Variants in HSPA12A observed in about 807,000 individuals in gnomAD.
HSPA12A encodes heat shock protein family A (Hsp70) member 12A, also known as heat shock 70 kDa protein 12A.
A neutral mutation model predicts 69.2 loss-of-function variants in HSPA12A; 28 were observed. The ratio of observed to expected loss-of-function variants is 0.40; its 90% CI spans 0.30 to 0.55. The LOEUF (loss-of-function observed/expected upper bound fraction) is 0.55, where lower values mean the gene tolerates loss of function less well. Among genes scored for constraint, HSPA12A ranks in the 20% least tolerant of loss-of-function variants. The probability of loss-of-function intolerance (pLI) is 0.38; values close to 1 mark genes in which losing one functional copy is unlikely to be tolerated. For synonymous variants in HSPA12A, 345 were observed against 370.5 expected (o/e 0.93, Z 0.79); for missense variants, 686 against 900.7 (o/e 0.76, Z 3.05).
intron 1 of HSPA12A, among the ~76,000 whole-genome samples, chr10:116,740,985 A>G (rs1342397430): frequency 1.3e-4 from 17 of 127,280 alleles, no homozygotes; most frequent in Non-Finnish European, 2.6e-4. Context: ...AAAAAAAAAA[A>G]AAGAGTCAAT....
chr10:116,843,657 TG>T (rs902463752), intron 1 of HSPA12A, among the ~76,000 whole-genome samples: 2 of 152,200 alleles, frequency 1.3e-5, no homozygotes, highest in African/African-American at 2.4e-5. Flanking sequence ...AAACCATTCC[TG>T]GGGGAAGGCT....
Position 116,732,350 on chromosome 10 carries a change from A to AAGAAAGAAAGAAAGAAAGAAAGAAAGAG in HSPA12A, c.40+10079_40+10080insCTCTTTCTTTCTTTCTTTCTTTCTTTCT, listed in dbSNP as rs1564800232. 3.5e-4 allele frequency among the ~76,000 whole-genome samples: 52 copies of AAGAAAGAAAGAAAGAAAGAAAGAAAGAG among 148,368 alleles called. 1 individual carries two copies. The highest frequency in any genetic ancestry group is 3.2e-4 in the Non-Finnish European group (21 of 66,024). Reference sequence around the variant, plus strand: ...AAACAAAGAAAGAAAGAAAGAAAGAAAGAGACAGAGGGAAAGAAAACTGCC... The same window carrying AAGAAAGAAAGAAAGAAAGAAAGAAAGAG: ...AAACAAAGAAAGAAAGAAAGAAAGAAAGAAAGAAAGAAAGAAAGAAAGAAAGAGAGAGACAGAGGGAAAGAAAACTGCC... On this transcript the variant is annotated intron_variant, in intron 1 of 11. Transcript: ENST00000369209.
chr10:116,681,080 T>A (rs1361494666), intron 9 of HSPA12A, 72 bp downstream of exon 9: 1 of 1,016,642 alleles, frequency 9.8e-7, no homozygotes, highest in Non-Finnish European at 1.6e-6. Flanking sequence ...CTGAGAGTTA[T>A]CTGAAACAAG....
chr10:116,805,943 C>T (rs1436149737), intron 2 of HSPA12A, among the ~76,000 whole-genome samples: 1 of 152,222 alleles, frequency 6.6e-6, no homozygotes, highest in Non-Finnish European at 1.5e-5. Flanking sequence ...GTAAATGCCA[C>T]CTCAGACCAC....
Position 116,674,738 on chromosome 10 carries a change from C to G in HSPA12A, c.*43G>C. 1 of 1,564,224 alleles carries G rather than the reference C, an allele frequency of 6.4e-7. No homozygotes were observed. Among genetic ancestry groups the G allele is most frequent in the Non-Finnish European group, 8.7e-7 (1 of 1,155,062 alleles). The stretch of plus-strand genomic sequence containing the variant: ...CAGTCAAGGTTGAGGTCAGCAGATG[C>G]AGATAAGTTGAGTCCAAGGGGACAG... On this transcript the variant is annotated 3_prime_UTR_variant, in exon 12 of 12. Transcript: ENST00000369209.
chr10:116,712,209 T>C (rs1850456575), intron 1 of HSPA12A, among the ~76,000 whole-genome samples: 1 of 152,212 alleles, frequency 6.6e-6, no homozygotes, highest in African/African-American at 2.4e-5. Flanking sequence ...AAATCTTTTT[T>C]AACTTTAGTG....
chr10:116,844,658 C>T (rs1217356762), intron 1 of HSPA12A, among the ~76,000 whole-genome samples: 2 of 152,134 alleles, frequency 1.3e-5, no homozygotes, highest in Non-Finnish European at 2.9e-5. Flanking sequence ...TTCTATGATT[C>T]CATGATTAAA....
intron 5 of HSPA12A, among the ~76,000 whole-genome samples, chr10:116,697,546 C>T (rs1240011337): frequency 1.3e-5 from 2 of 152,166 alleles, no homozygotes; most frequent in Admixed American, 1.3e-4. Flanking sequence ...TGTCCAGTCC[C>T]ATTTTCTATC....
intron 1 of HSPA12A, among the ~76,000 whole-genome samples, chr10:116,724,373 A>C (rs1348497784): frequency 6.6e-6 from 1 of 152,118 alleles, no homozygotes; most frequent in Non-Finnish European, 1.5e-5. Context: ...ACATTGTTAC[A>C]TGTGTAGAAT....
At chr10:116,719,142 T>C (rs1554884120) in intron 1 of HSPA12A, among the ~76,000 whole-genome samples, 1 of 152,212 alleles carries the variant, frequency 6.6e-6, no homozygotes, top group East Asian at 1.9e-4. Flanking sequence ...TTTTTACATT[T>C]GGGGTGTGAT....
upstream of HSPA12A, among the ~76,000 whole-genome samples, chr10:116,743,661 G>T (rs1380615235): frequency 6.6e-6 from 1 of 152,150 alleles, no homozygotes; most frequent in Non-Finnish European, 1.5e-5. Context: ...AGGCTTCATC[G>T]TACAATCCCG....
intron 1 of HSPA12A, among the ~76,000 whole-genome samples, chr10:116,848,496 G>T (rs115931780): frequency 3.1e-4 from 47 of 152,300 alleles, no homozygotes; most frequent in African/African-American, 9.9e-4. Context: ...TTTTCCAGAG[G>T]GGGGAAAGTG....
intron 2 of HSPA12A, among the ~76,000 whole-genome samples, chr10:116,785,925 G>A (rs1395217664): frequency 6.6e-6 from 1 of 151,740 alleles, no homozygotes; most frequent in Non-Finnish European, 1.5e-5. Context: ...GGCCTACTCA[G>A]ACTCTGCCTG....
chr10:116,774,418 C>G (rs1554890882), intron 2 of HSPA12A, among the ~76,000 whole-genome samples: 1 of 152,208 alleles, frequency 6.6e-6, no homozygotes. Context: ...TGACCAGCAG[C>G]ATTAACAACT....
At chr10:116,802,052 G>A (rs537722858) in intron 2 of HSPA12A, among the ~76,000 whole-genome samples, 4 of 152,330 alleles carry the variant, frequency 2.6e-5, no homozygotes, top group African/African-American at 9.6e-5. Context: ...GAGGGCATAA[G>A]CTCTGGCACG....
intron 1 of HSPA12A, among the ~76,000 whole-genome samples, chr10:116,836,768 A>AACATACAC (rs778091882): frequency 0.03 from 4,417 of 146,570 alleles, 208 homozygotes; most frequent in African/African-American, 0.1. Context: ...AAACGAACCG[A>AACATACAC]ACACACACAC....
chr10:116,758,826 G>A (rs1554889027), intron 2 of HSPA12A, among the ~76,000 whole-genome samples: 1 of 152,096 alleles, frequency 6.6e-6, no homozygotes, highest in Non-Finnish European at 1.5e-5. Flanking sequence ...AAAGAGTGTG[G>A]ACTCAGATGA....
intron 10 of HSPA12A, among the ~76,000 whole-genome samples, chr10:116,678,703 T>G (rs1447129140): frequency 6.6e-6 from 1 of 152,158 alleles, no homozygotes; most frequent in African/African-American, 2.4e-5. Flanking sequence ...GATTTAAAAC[T>G]TGTCTCCTTT....
intron 3 of HSPA12A, among the ~76,000 whole-genome samples, chr10:116,704,681 G>C (rs1203849234): frequency 6.6e-6 from 1 of 152,182 alleles, no homozygotes; most frequent in Non-Finnish European, 1.5e-5. Flanking sequence ...TACACAGTAA[G>C]CACTTAATGG....
Sources: gnomAD v4.1 joint callset for allele counts (sites outside exome capture counted in the v4.1 genomes callset) on GRCh38, gnomAD v4.1.1 for gene constraint, MANE v1.5 for transcripts, NCBI Gene and HGNC (gene_info 2026-07-23, HGNC 2026-07-21) for gene names.